The following EXOC4 variants were observed in gnomAD, a reference collection of about 807,000 sequenced individuals.
EXOC4 encodes exocyst complex component 4.
In EXOC4, 71 loss-of-function variants were observed where a neutral mutation model predicts 107.2. The ratio of observed to expected loss-of-function variants is 0.66; its 90% CI spans 0.55 to 0.81. The LOEUF is 0.81. Among genes scored for constraint, EXOC4 ranks in the 30% least tolerant of loss-of-function variants. EXOC4 has a pLI of 0.00. For synonymous variants in EXOC4, 456 were observed against 441.2 expected, an observed-to-expected ratio of 1.03 and a Z score of -0.42; for missense variants, 1,108 against 1,189.6, an observed-to-expected ratio of 0.93 and a Z score of 1.01.
At chr7:133,439,839 G>C (rs919293828) in intron 7 of EXOC4, among the ~76,000 whole-genome samples, 1 of 152,102 alleles carries the variant, frequency 6.6e-6, no homozygotes, top group African/African-American at 2.4e-5. Context: ...CCTCACTGTT[G>C]AATTGTGTAA....
chr7:133,805,514 A>G (rs775952779), intron 10 of EXOC4, among the ~76,000 whole-genome samples: 1 of 152,186 alleles, frequency 6.6e-6, no homozygotes, highest in Non-Finnish European at 1.5e-5. Context: ...ATATTTTAAA[A>G]CTAGTAGGGA....
chr7:133,790,046 G>A (rs1283577788), intron 10 of EXOC4, among the ~76,000 whole-genome samples: 1 of 152,132 alleles, frequency 6.6e-6, no homozygotes, highest in Non-Finnish European at 1.5e-5. Context: ...AGCTCCTAAG[G>A]GAGTCAGAAG....
chr7:134,003,137 A>T (rs1016385497), intron 15 of EXOC4, among the ~76,000 whole-genome samples: 1 of 152,204 alleles, frequency 6.6e-6, no homozygotes, highest in African/African-American at 2.4e-5. Flanking sequence ...CAGCAATAAA[A>T]AGTAATGAAC....
chr7:133,705,362 A>G (rs1006751269), intron 10 of EXOC4, among the ~76,000 whole-genome samples: 1 of 152,196 alleles, frequency 6.6e-6, no homozygotes, highest in African/African-American at 2.4e-5. Flanking sequence ...GGAAGACTCC[A>G]TCTCAAAAAA....
chr7:133,314,217 C>T (rs1029801574), intron 4 of EXOC4, among the ~76,000 whole-genome samples: 1 of 152,060 alleles, frequency 6.6e-6, no homozygotes, highest in African/African-American at 2.4e-5. Flanking sequence ...CAATATTCTA[C>T]AATAGCACCT....
chr7:133,257,466 C>T (rs930490965), intron 1 of EXOC4, among the ~76,000 whole-genome samples: 3 of 152,158 alleles, frequency 2.0e-5, no homozygotes, highest in Non-Finnish European at 4.4e-5. Flanking sequence ...AGGAGGCAGC[C>T]TCTCTAGATG....
chr7:133,666,116 C>T (rs1253254681), intron 10 of EXOC4, among the ~76,000 whole-genome samples: 1 of 152,078 alleles, frequency 6.6e-6, no homozygotes, highest in Non-Finnish European at 1.5e-5. Flanking sequence ...TAAATTTCCC[C>T]TGTTACAGTT....
intron 7 of EXOC4, among the ~76,000 whole-genome samples, chr7:133,461,801 A>T (rs1284409555): frequency 6.6e-6 from 1 of 152,232 alleles, no homozygotes. Context: ...GGAGCATCTT[A>T]CTTTCAATTT....
At chr7:133,443,368 G>GAATGT (rs1457088623) in intron 7 of EXOC4, among the ~76,000 whole-genome samples, 3 of 152,176 alleles carry the variant, frequency 2.0e-5, no homozygotes, top group Non-Finnish European at 2.9e-5. Flanking sequence ...GCGCAGTACA[G>GAATGT]AATGTGGGCC....
At chr7:134,075,974 T>C in the EXOC4 span, among the ~76,000 whole-genome samples, 1 of 152,154 alleles carries the variant, frequency 6.6e-6, no homozygotes, top group South Asian at 2.1e-4. Context: ...TTAAAGCCAT[T>C]GACATTTTGA....
At chr7:133,501,130 C>T (rs1028897611) in intron 9 of EXOC4, among the ~76,000 whole-genome samples, 10 of 152,106 alleles carry the variant, frequency 6.6e-5, no homozygotes, top group Non-Finnish European at 1.5e-4. Context: ...ACTAAAACTA[C>T]TCATACTCAT....
chr7:133,654,446 A>C (rs1803237710), intron 10 of EXOC4, among the ~76,000 whole-genome samples: 1 of 152,156 alleles, frequency 6.6e-6, no homozygotes, highest in Non-Finnish European at 1.5e-5. Context: ...ATTGTACTTG[A>C]AACACAAGTG....
chr7:133,783,873 G>A (rs527470608), intron 10 of EXOC4, among the ~76,000 whole-genome samples: 133 of 152,206 alleles, frequency 8.7e-4, no homozygotes, highest in Non-Finnish European at 9.9e-4. Context: ...CTTAGTTGAT[G>A]GCATGAAGAA....
intron 10 of EXOC4, among the ~76,000 whole-genome samples, chr7:133,749,015 A>G (rs1355290840): frequency 6.6e-6 from 1 of 152,196 alleles, no homozygotes; most frequent in East Asian, 1.9e-4. Flanking sequence ...ACTTGGCTTC[A>G]AGGATTTCAG....
At chr7:133,651,177 C>T (rs1474814109) in intron 10 of EXOC4, among the ~76,000 whole-genome samples, 1 of 152,042 alleles carries the variant, frequency 6.6e-6, no homozygotes, top group Non-Finnish European at 1.5e-5. Flanking sequence ...TCACTCCCAG[C>T]ATTTGATGTA....
At chr7:133,604,395 A>T (rs2150989693) in intron 9 of EXOC4, among the ~76,000 whole-genome samples, 1 of 152,300 alleles carries the variant, frequency 6.6e-6, no homozygotes, top group Non-Finnish European at 1.5e-5. Context: ...CTGGTGGTTC[A>T]GTAGGTTTGT....
intron 10 of EXOC4, among the ~76,000 whole-genome samples, chr7:133,731,883 C>T (rs897172581): frequency 4.6e-5 from 7 of 152,126 alleles, no homozygotes; most frequent in East Asian, 1.9e-4. Flanking sequence ...GACAGTGTGA[C>T]GACTCCTCAA....
At chr7:133,777,824 G>A (rs990210186) in intron 10 of EXOC4, among the ~76,000 whole-genome samples, 1 of 152,190 alleles carries the variant, frequency 6.6e-6, no homozygotes, top group African/African-American at 2.4e-5. Context: ...GTTAATACAT[G>A]TAAAGTTATT....
Position 133,879,593 on chromosome 7 carries a change from C to A in EXOC4, c.1735-16006C>A, listed in dbSNP as rs75939842. On this transcript the variant is annotated intron_variant, in intron 11 of 17. Coordinates refer to ENST00000253861, the MANE Select transcript of EXOC4 (RefSeq NM_021807.4). ...ATGGTGACAAATGAGTTTTGTCTGA[C>A]TTTCTCTCTTCATTGATTTTTCATA... Among the ~76,000 whole-genome samples the A allele has an allele frequency of 4.3e-3, 646 of 151,856 alleles. 6 individuals are homozygous for A. Among genetic ancestry groups the A allele is most frequent in the East Asian group, 0.038 (197 of 5,162 alleles).
Sources: gnomAD v4.1 joint callset for allele counts (sites outside exome capture counted in the v4.1 genomes callset) on GRCh38, gnomAD v4.1.1 for gene constraint, MANE v1.5 for transcripts, NCBI Gene and HGNC (gene_info 2026-07-23, HGNC 2026-07-21) for gene names.